The following ANKRD11 variants were observed in gnomAD, a reference collection of about 807,000 sequenced individuals.
ANKRD11 encodes ankyrin repeat domain-containing protein 11.
ANKRD11 carries 17 observed loss-of-function variants against 195.7 expected under a neutral mutation model. That is an observed-to-expected ratio of 0.09 (90% CI 0.06 to 0.13). The LOEUF (loss-of-function observed/expected upper bound fraction) is 0.13, where lower values mean the gene tolerates loss of function less well. ANKRD11 is among the 10% of genes least tolerant of loss of function. ANKRD11 has a pLI of 1.00. For missense variants in ANKRD11, 3,735 were observed against 3,566.1 expected, an observed-to-expected ratio of 1.05 and a Z score of -1.21; for synonymous variants, 1,953 against 1,528.1, an observed-to-expected ratio of 1.28 and a Z score of -6.49.
At chr16:89,308,583 T>C (rs924297966) in intron 3 of ANKRD11, among the ~76,000 whole-genome samples, 14 of 152,156 alleles carry the variant, frequency 9.2e-5, no homozygotes, top group East Asian at 7.7e-4. Context: ...ACCAGGACAG[T>C]TGGGAGAAGA....
chr16:89,344,224 T>C (rs1470146703), intron 2 of ANKRD11, among the ~76,000 whole-genome samples: 1 of 152,158 alleles, frequency 6.6e-6, no homozygotes, highest in Admixed American at 6.5e-5. Flanking sequence ...AACGATCCAT[T>C]TCAAATTACA....
intron 2 of ANKRD11, among the ~76,000 whole-genome samples, chr16:89,368,383 T>C (rs959961348): frequency 7.6e-6 from 1 of 132,120 alleles, no homozygotes; most frequent in African/African-American, 3.1e-5. Flanking sequence ...TTTTTTTTTT[T>C]TTTTTTTTTT....
chr16:89,283,236 T>C lies in ANKRD11; in HGVS notation c.3306A>G (p.Lys1102=). The change falls in exon 9 of 13, where the codon AAA becomes AAG. Residue 1102 remains lysine, a synonymous_variant. Coordinates refer to ENST00000301030, the MANE Select transcript of ANKRD11 (RefSeq NM_013275.6). This position sits in a 1 kb window ranked among gnomAD's most constrained non-coding sequence, Gnocchi z 4.3. ...PGIISEDFSE[K]KDDKKGKEKS... The stretch of plus-strand genomic sequence containing the variant: ...TCTCTTTGCCTTTCTTGTCATCTTT[T>C]TTTTCAGAGAAGTCTTCTGAGATGA... The C allele has an allele frequency of 1.2e-6, 2 of 1,614,196 alleles. No homozygotes were observed. The highest frequency in any genetic ancestry group is 1.7e-6 in the Non-Finnish European group (2 of 1,180,048).
At chr16:89,432,419 G>A (rs576611763) in intron 1 of ANKRD11, among the ~76,000 whole-genome samples, 3 of 152,104 alleles carry the variant, frequency 2.0e-5, no homozygotes, top group East Asian at 3.9e-4. Flanking sequence ...CCCGTGGCAT[G>A]CACTGTGTTG....
chr16:89,409,450 G>T (rs1261030012), intron 2 of ANKRD11, among the ~76,000 whole-genome samples: 1 of 152,182 alleles, frequency 6.6e-6, no homozygotes, highest in Non-Finnish European at 1.5e-5. Flanking sequence ...TCTTGTGCAC[G>T]TCACGGCCCT....
At chr16:89,475,566 C>G (rs1269952989) in intron 1 of ANKRD11, among the ~76,000 whole-genome samples, 1 of 152,182 alleles carries the variant, frequency 6.6e-6, no homozygotes. Context: ...TATTTATTCA[C>G]TACCCACACA....
intron 1 of ANKRD11, among the ~76,000 whole-genome samples, chr16:89,482,076 C>A (rs61280703): frequency 0.012 from 1,850 of 152,258 alleles, 35 homozygotes; most frequent in African/African-American, 0.042. Flanking sequence ...GAACAGGAGG[C>A]CACAGCACTG....
chr16:89,454,167 C>G (rs543216663), intron 1 of ANKRD11, among the ~76,000 whole-genome samples: 2 of 152,150 alleles, frequency 1.3e-5, no homozygotes, highest in Non-Finnish European at 2.9e-5. Flanking sequence ...CAACGACAGC[C>G]GCGCCACAAC....
In ANKRD11 at chr16:89,283,514, CCTT is replaced by C. The variant is rs2034429860; in HGVS notation, c.3025_3027del (p.Lys1009del). ...TCCTTATCGGGGCCATCCTTCTTCT[CCTT>C]CTCTCGTGCTGGGTGGTGCCGTTCC... On this transcript the variant is annotated inframe_deletion, in exon 9 of 13. Coordinates refer to ENST00000301030, the MANE Select transcript of ANKRD11 (RefSeq NM_013275.6). The surrounding 1 kb of genome is among the most constrained non-coding windows in gnomAD (Gnocchi z 4.3). 1.9e-6 allele frequency: 3 copies of C among 1,613,824 alleles called. No individual in the cohort carries two copies. The highest frequency in any genetic ancestry group is 1.1e-5 in the South Asian group (1 of 91,090).
At chr16:89,468,754 T>A (rs946465255) in intron 1 of ANKRD11, among the ~76,000 whole-genome samples, 2 of 152,092 alleles carry the variant, frequency 1.3e-5, no homozygotes, top group African/African-American at 4.8e-5. Flanking sequence ...GGCCCCTGCT[T>A]CTGCTGCCCT....
At chr16:89,370,948 C>A (rs747394363) in intron 2 of ANKRD11, among the ~76,000 whole-genome samples, 2 of 152,144 alleles carry the variant, frequency 1.3e-5, no homozygotes, top group Admixed American at 6.5e-5. Context: ...AAGAACCAAG[C>A]CCTGCGGACA....
chr16:89,416,845 T>G (rs2042332226), intron 2 of ANKRD11, among the ~76,000 whole-genome samples: 1 of 152,140 alleles, frequency 6.6e-6, no homozygotes, highest in Non-Finnish European at 1.5e-5. Flanking sequence ...GCAGTATCCT[T>G]TTCACAAAGA....
At position 89,283,256 on chromosome 16, in the gene ANKRD11, A is replaced by C. The variant is rs780296805; in HGVS notation, c.3286T>G (p.Ser1096Ala). 1 of 1,613,986 alleles carries C rather than the reference A, an allele frequency of 6.2e-7. No homozygotes were observed. The highest frequency in any genetic ancestry group is 8.5e-7 in the Non-Finnish European group (1 of 1,180,008). ...TCTTTTTTTTCAGAGAAGTCTTCTGAGATGATCCCAGGGAAAGCCTTCTCC... is the reference window on the plus strand; with the variant it reads ...TCTTTTTTTTCAGAGAAGTCTTCTGCGATGATCCCAGGGAAAGCCTTCTCC... ...KKEKAFPGII[S>A]EDFSEKKDDK... The change falls in exon 9 of 13, where the codon TCA (serine) becomes GCA (alanine). Residue 1096 changes from serine (S) to alanine (A), a missense_variant. Coordinates refer to ENST00000301030, the MANE Select transcript of ANKRD11 (RefSeq NM_013275.6). The surrounding 1 kb of genome is among the most constrained non-coding windows in gnomAD (Gnocchi z 4.3).
intron 1 of ANKRD11, among the ~76,000 whole-genome samples, chr16:89,425,730 ATTCAT>A (rs1345776884): frequency 6.6e-6 from 1 of 152,122 alleles, no homozygotes; most frequent in African/African-American, 2.4e-5. Context: ...GTGGGGTGCT[ATTCAT>A]TTCGTTTTCT....
chr16:89,353,250 G>T (rs1348534120), intron 2 of ANKRD11, among the ~76,000 whole-genome samples: 1 of 151,814 alleles, frequency 6.6e-6, no homozygotes, highest in Non-Finnish European at 1.5e-5. Context: ...GCTGAGGCAG[G>T]AGAATTGCTT....
chr16:89,408,122 A>G (rs1176996056), intron 2 of ANKRD11, among the ~76,000 whole-genome samples: 5 of 152,164 alleles, frequency 3.3e-5, no homozygotes, highest in African/African-American at 9.7e-5. Context: ...AAGAGAGGCC[A>G]AGACAGCTCG....
At chr16:89,395,385 G>C (rs2041381648) in intron 2 of ANKRD11, among the ~76,000 whole-genome samples, 1 of 152,220 alleles carries the variant, frequency 6.6e-6, no homozygotes, top group Non-Finnish European at 1.5e-5. Context: ...TGCACTGCGG[G>C]GACATGGTCC....
Position 89,290,519 on chromosome 16 carries a change from TGGGGGGAGGC to T in ANKRD11, c.601+96_601+105del. 3.4e-6 allele frequency: 3 copies of T among 883,340 alleles called. No individual in the cohort carries two copies. The East Asian group carries it at 9.9e-5, about 29-fold the overall frequency. 54.7% of individuals were successfully genotyped at this position (883,340 alleles called of 1,614,324 possible). A position where few individuals can be genotyped will look rare whatever the true frequency, so the allele number is the denominator to read the frequency against. ...AATGGGGGGAGGCTCAGGGCTCCAA[TGGGGGGAGGC>T]TCAGGGCTCCAATGGGGGGAGGCTC... On this transcript the variant is annotated intron_variant, in intron 6 of 12. Coordinates refer to ENST00000301030, the MANE Select transcript of ANKRD11 (RefSeq NM_013275.6).
chr16:89,419,126 G>A (rs975522297), intron 1 of ANKRD11, among the ~76,000 whole-genome samples: 5 of 152,124 alleles, frequency 3.3e-5, no homozygotes, highest in Non-Finnish European at 5.9e-5. Context: ...ATTTTAAGAG[G>A]AAAAGATTAT....
Sources: allele counts gnomAD v4.1 joint callset (sites outside exome capture counted in the v4.1 genomes callset), GRCh38; gene constraint gnomAD v4.1.1; non-coding constraint Gnocchi (gnomAD v3.1); transcripts MANE v1.5; gene names NCBI Gene and HGNC (gene_info 2026-07-23, HGNC 2026-07-21).